Variants in JAK1 observed in about 807,000 individuals in gnomAD.
The protein encoded by JAK1 is tyrosine-protein kinase JAK1.
In JAK1, 16 loss-of-function variants were observed where a neutral mutation model predicts 136.6. The ratio of observed to expected loss-of-function variants is 0.12; its 90% confidence interval spans 0.08 to 0.18. The LOEUF is 0.18. Among genes scored for constraint, JAK1 ranks in the 10% least tolerant of loss-of-function variants. The probability of loss-of-function intolerance (pLI) is 1.00; values close to 1 mark genes in which losing one functional copy is unlikely to be tolerated. For synonymous variants in JAK1, 492 were observed against 519.5 expected (o/e 0.95, Z 0.72); for missense variants, 859 against 1,450.1 (o/e 0.59, Z 6.62).
chr1:65,026,513 C>T (rs1216190096), intron 2 of JAK1, among the ~76,000 whole-genome samples: 1 of 152,192 alleles, frequency 6.6e-6, no homozygotes, highest in Non-Finnish European at 1.5e-5. Flanking sequence ...AGTTTGTTAG[C>T]TAATCCCTTC....
intron 17 of JAK1, among the ~76,000 whole-genome samples, chr1:64,843,291 C>G (rs1388733822): frequency 2.0e-5 from 3 of 152,208 alleles, no homozygotes; most frequent in Non-Finnish European, 2.9e-5. Context: ...TGCCTGCCCC[C>G]TCTAAACAAC....
At chr1:64,854,314 T>C (rs1655787194) in intron 11 of JAK1, among the ~76,000 whole-genome samples, 1 of 152,128 alleles carries the variant, frequency 6.6e-6, no homozygotes, top group Admixed American at 6.5e-5. Flanking sequence ...CCTCAGAGGG[T>C]CTTCCTCTGA....
At chr1:64,835,003 C>G (rs911272890) in intron 24 of JAK1, among the ~76,000 whole-genome samples, 1 of 152,178 alleles carries the variant, frequency 6.6e-6, no homozygotes, top group Non-Finnish European at 1.5e-5. Context: ...GTGTCTTACA[C>G]AGTCTCAAGA....
intron 2 of JAK1, among the ~76,000 whole-genome samples, chr1:65,038,709 G>C (rs758615718): frequency 6.6e-6 from 1 of 151,950 alleles, no homozygotes; most frequent in Non-Finnish European, 1.5e-5. Flanking sequence ...CATGATCTTG[G>C]CTCACTGCAA....
Position 64,954,396 on chromosome 1 carries a change from C to T in JAK1, c.-78+11937G>A, listed in dbSNP as rs142823754. Among the ~76,000 whole-genome samples, 41 of 152,334 alleles carry T rather than the reference C, an allele frequency of 2.7e-4. 1 individual carries two copies. The East Asian group carries it at 5.2e-3, about 19-fold the overall frequency. On this transcript the variant is annotated intron_variant, in intron 1 of 24. Coordinates refer to ENST00000342505, the MANE Select transcript of JAK1 (RefSeq NM_002227.4). ...TAGTCTCATGCCCGTGCCCACTCTC[C>T]TCCCCACGTGGGATGATGTGCTACA...
chr1:64,905,413 T>C (rs904241998), intron 1 of JAK1, among the ~76,000 whole-genome samples: 3 of 152,206 alleles, frequency 2.0e-5, no homozygotes, highest in African/African-American at 7.2e-5. Context: ...GCTCTACATA[T>C]GTCAAATATC....
chr1:64,989,084 T>TG (rs1646630892), intron 2 of JAK1, among the ~76,000 whole-genome samples: 1 of 147,630 alleles, frequency 6.8e-6, no homozygotes, highest in Non-Finnish European at 1.5e-5. Flanking sequence ...CCCAGCACTT[T>TG]GGGAGGCCAA....
chr1:64,845,662 T>C (rs1334385582), intron 14 of JAK1, 22 bp from the exon 15 acceptor site: 8 of 1,614,116 alleles, frequency 5.0e-6, no homozygotes, highest in Non-Finnish European at 6.8e-6. Context: ...AAAATAGCCA[T>C]GTCTGGAACC....
chr1:64,855,633 A>T lies in JAK1; in HGVS notation c.1524T>A (p.Ser508Arg). Residue 508 changes from serine (S) to arginine (R), a missense_variant, in exon 11 of 25, where the codon AGT becomes AGA. By Grantham distance (110) the Ser-to-Arg change is moderately radical (BLOSUM62 -1). Coordinates refer to ENST00000342505, the MANE Select transcript of JAK1 (RefSeq NM_002227.4). ...FQIEVQKGRY[S>R]LHGSDRSFPS... ...GGAAGCTGCGGTCCGAACCGTGCAG[A>T]CTGTAGCGGCCCTTCTGCACCTCGA... The T allele has an allele frequency of 6.2e-7, 1 of 1,614,142 alleles. No homozygotes were observed. The highest frequency in any genetic ancestry group is 8.5e-7 in the Non-Finnish European group (1 of 1,180,016).
At chr1:64,886,362 A>G in intron 1 of JAK1, 21 bp from the exon 2 acceptor site, 1 of 1,393,984 alleles carries the variant, frequency 7.2e-7, no homozygotes, top group Non-Finnish European at 9.6e-7. Context: ...AAATAAATAA[A>G]TAAATCAGTG....
At chr1:64,878,558 T>A (rs71647467) in intron 4 of JAK1, among the ~76,000 whole-genome samples, 1 of 72,478 alleles carries the variant, frequency 1.4e-5, no homozygotes, top group Non-Finnish European at 2.5e-5. Flanking sequence ...ATATATATAG[T>A]GTGTATATAT....
chr1:64,884,375 C>T (rs1445949383), intron 2 of JAK1, among the ~76,000 whole-genome samples: 1 of 152,208 alleles, frequency 6.6e-6, no homozygotes, highest in East Asian at 1.9e-4. Context: ...TGACCCCACA[C>T]TCCTACTACT....
intron 6 of JAK1, among the ~76,000 whole-genome samples, chr1:64,868,620 G>A (rs1040651677): frequency 2.0e-5 from 3 of 152,122 alleles, no homozygotes; most frequent in African/African-American, 7.2e-5. Flanking sequence ...AGCGCAAGGA[G>A]AAACAAGCAG....
At chr1:64,850,954 C>T (rs766069467) in intron 11 of JAK1, 44 bp from the exon 12 acceptor site, 5 of 1,382,610 alleles carry the variant, frequency 3.6e-6, no homozygotes, top group East Asian at 4.6e-5. Context: ...ACCCAAGATC[C>T]GAGCTCTCAG....
chr1:64,873,658 T>C, intron 4 of JAK1, 135 bp from the exon 5 acceptor site: 4 of 887,622 alleles, frequency 4.5e-6, no homozygotes, highest in Non-Finnish European at 7.1e-6. Flanking sequence ...CTGCCCCTTG[T>C]AGCCCCTCAC....
At position 64,997,003 on chromosome 1, in the gene JAK1, T is replaced by C. The variant is rs76605343; in HGVS notation, c.-78+47477A>G. On this transcript the variant is annotated intron_variant, in intron 2 of 25. Coordinates refer to the JAK1 transcript ENST00000671954. ...TAATTTATATCCACAGTTGATACTG[T>C]CATACACATGGGTTTGCAGGTCAAG... 6.9e-4 allele frequency among the ~76,000 whole-genome samples: 105 copies of C among 152,298 alleles called. 1 individual carries two copies. In the East Asian group the frequency reaches 0.017, roughly 25 times the overall value.
intron 1 of JAK1, among the ~76,000 whole-genome samples, chr1:64,961,127 T>C (rs1375692820): frequency 6.6e-6 from 1 of 152,228 alleles, no homozygotes; most frequent in East Asian, 1.9e-4. Context: ...TTCTTGTATT[T>C]AATTTCCTAA....
At chr1:65,017,045 G>T (rs1646897054) in intron 2 of JAK1, among the ~76,000 whole-genome samples, 1 of 152,122 alleles carries the variant, frequency 6.6e-6, no homozygotes, top group African/African-American at 2.4e-5. Flanking sequence ...GAATTTATAA[G>T]TACCTAGTAG....
At position 64,850,870 on chromosome 1, in the gene JAK1, C is replaced by A. The variant is rs1360162882; in HGVS notation, c.1689G>T (p.Glu563Asp). 2.5e-6 allele frequency: 4 copies of A among 1,613,988 alleles called. No homozygotes were observed. In the South Asian group the frequency reaches 4.4e-5, roughly 18 times the overall value. ...NLLVATKKAQ[E>D]WQPVYPMSQL... ...GGCTCATGGGGTAGACGGGCTGCCACTCCTGGGCTTTCTTAGTAGCCACCA... is the reference window on the plus strand; with the variant it reads ...GGCTCATGGGGTAGACGGGCTGCCAATCCTGGGCTTTCTTAGTAGCCACCA... Residue 563 changes from glutamate to aspartate, a missense_variant, in exon 12 of 25, where the codon GAG becomes GAT. By Grantham distance (45) the Glu-to-Asp change is conservative. This residue lies in a region of JAK1 where 409 missense variants were observed against 753.8 expected (regional missense o/e 0.54). Transcript: ENST00000342505.
Sources: gnomAD v4.1 joint callset for allele counts (sites outside exome capture counted in the v4.1 genomes callset) on GRCh38, gnomAD v4.1.1 for gene constraint, gnomAD v4.1.1 regional missense constraint, MANE v1.5 for transcripts, NCBI Gene and HGNC (gene_info 2026-07-23, HGNC 2026-07-21) for gene names.